Variants in CD2AP observed in about 807,000 individuals in gnomAD.
CD2AP encodes CD2 associated protein, also known as CD2-associated protein.
CD2AP carries 46 observed loss-of-function variants against 85.1 expected under a neutral mutation model. That is an observed-to-expected ratio of 0.54 (90% CI 0.43 to 0.69). CD2AP has a LOEUF of 0.69. CD2AP is among the 30% of genes least tolerant of loss of function. CD2AP has a pLI of 0.00. For synonymous variants in CD2AP, 255 were observed against 252.9 expected, an observed-to-expected ratio of 1.01 and a Z score of -0.08; for missense variants, 769 against 729.5, an observed-to-expected ratio of 1.05 and a Z score of -0.62.
In CD2AP at chr6:47,609,141, A is replaced by G. The variant is rs200024855; in HGVS notation, c.1651A>G (p.Thr551Ala). 33 of 1,613,120 alleles carry G rather than the reference A, an allele frequency of 2.0e-5. No homozygotes were observed. Among genetic ancestry groups the G allele is most frequent in the Middle Eastern group, 1.7e-4 (1 of 5,848 alleles). The change falls in exon 16 of 18, where the codon ACA becomes GCA. Residue 551 changes from threonine to alanine, a missense_variant. Thr to Ala is a moderately conservative substitution (Grantham distance 58). Transcript: ENST00000359314. ...YSPKPSVYLS[T>A]PSSASKANTT... ...TTTTCAGCCATCTGTGTACCTTTCA[A>G]CACCTTCCAGTGCTTCTAAAGCAAA...
chr6:47,537,859 GCAGCCT>G (rs1210817879), intron 3 of CD2AP, among the ~76,000 whole-genome samples: 1 of 151,102 alleles, frequency 6.6e-6, no homozygotes, highest in Non-Finnish European at 1.5e-5. Flanking sequence ...TCAGCTCACT[GCAGCCT>G]CAGCCTCCCC....
rs1436217691 is a variant in CD2AP at position 47,562,557 on chromosome 6, T to C, written c.541+7791T>C. 9.4e-6 allele frequency: 3 copies of C among 319,700 alleles called. No homozygotes were observed. The East Asian group carries it at 1.5e-4, about 16-fold the overall frequency. 19.8% of individuals were successfully genotyped at this position (319,700 alleles called of 1,614,324 possible). A position where few individuals can be genotyped will look rare whatever the true frequency, so the allele number is the denominator to read the frequency against. On this transcript the variant is annotated intron_variant, in intron 5 of 17. Transcript: ENST00000359314. ...TGGCTCTTTGCCTTCCACCAACAAGTCTTGCATAAGCAAAAGCTTGGATGT... is the reference window on the plus strand; with the variant it reads ...TGGCTCTTTGCCTTCCACCAACAAGCCTTGCATAAGCAAAAGCTTGGATGT...
At chr6:47,608,164 G>C in intron 15 of CD2AP, 136 bp downstream of exon 15, 1 of 692,768 alleles carries the variant, frequency 1.4e-6, no homozygotes, top group Non-Finnish European at 2.6e-6. Context: ...CTAAAAAATT[G>C]AGTTGTTTAG....
chr6:47,610,971 A>ATATATATATATATATTT lies in CD2AP; in HGVS notation c.1815-1501_1815-1500insATATATATATATATTTT. Among the ~76,000 whole-genome samples the ATATATATATATATATTT allele has an allele frequency of 1.1e-3, 126 of 112,854 alleles. 3 individuals are homozygous for ATATATATATATATATTT. Among genetic ancestry groups the ATATATATATATATATTT allele is most frequent in the African/African-American group, 1.8e-3 (51 of 27,836 alleles). 74.0% of individuals were successfully genotyped at this position (112,854 alleles called of 152,430 possible). On this transcript the variant is annotated intron_variant, in intron 16 of 17. Transcript: ENST00000359314. The stretch of plus-strand genomic sequence containing the variant: ...GATTTATATATATATATATATATGT[A>ATATATATATATATATTT]TTTTTTTTTTTTTTTGAATATAAAA...
At chr6:47,586,029 C>T (rs190891509) in intron 11 of CD2AP, among the ~76,000 whole-genome samples, 2 of 152,070 alleles carry the variant, frequency 1.3e-5, no homozygotes, top group East Asian at 1.9e-4. Flanking sequence ...TTAAAGATTG[C>T]CAGGCATAGA....
At chr6:47,526,602 T>G (rs999902549) in intron 2 of CD2AP, among the ~76,000 whole-genome samples, 2 of 152,196 alleles carry the variant, frequency 1.3e-5, no homozygotes, top group African/African-American at 4.8e-5. Context: ...AATGAATTCA[T>G]ATATCATGTT....
Position 47,581,885 on chromosome 6 carries a change from A to G in CD2AP, c.1046-118A>G, listed in dbSNP as rs3818867. ...GTAATTCCGGTACATTGTTCTTTCT[A>G]TTAAACCATGGTTTCATCTGATGTT... On this transcript the variant is annotated intron_variant, in intron 10 of 17. Transcript: ENST00000359314. 194 of 718,092 alleles carry G rather than the reference A, an allele frequency of 2.7e-4. No homozygotes were observed. In the East Asian group the frequency reaches 4.0e-3, roughly 15 times the overall value. 44.5% of individuals were successfully genotyped at this position (718,092 alleles called of 1,614,324 possible).
chr6:47,602,980 T>G (rs1342024321), intron 13 of CD2AP, among the ~76,000 whole-genome samples: 1 of 152,120 alleles, frequency 6.6e-6, no homozygotes, highest in Admixed American at 6.6e-5. Context: ...GAAACACATT[T>G]GTTTTTCTTC....
rs769170284 is a variant in CD2AP, at chr6:47,503,261, T to C, written c.5-19T>C. 6.2e-7 allele frequency: 1 copy of C among 1,611,016 alleles called. No individual in the cohort carries two copies. Among genetic ancestry groups the C allele is most frequent in the Admixed American group, 1.7e-5 (1 of 60,008 alleles). On this transcript the variant is annotated intron_variant, in intron 1 of 17. Coordinates refer to ENST00000359314, the MANE Select transcript of CD2AP (RefSeq NM_012120.3). Reference sequence around the variant, plus strand: ...TGTGAATTAGATTTTAGACATTTCGTTTTTTCCCCCTTTTTTAGTTGACTA... The same window carrying C: ...TGTGAATTAGATTTTAGACATTTCGCTTTTTCCCCCTTTTTTAGTTGACTA...
intron 11 of CD2AP, among the ~76,000 whole-genome samples, chr6:47,593,634 T>A (rs1462866953): frequency 6.6e-6 from 1 of 152,004 alleles, no homozygotes; most frequent in Non-Finnish European, 1.5e-5. Context: ...GGTTAAAAAT[T>A]TTTTTAAGAA....
At chr6:47,502,771 T>C (rs1766029266) in intron 1 of CD2AP, among the ~76,000 whole-genome samples, 1 of 151,894 alleles carries the variant, frequency 6.6e-6, no homozygotes, top group Non-Finnish European at 1.5e-5. Flanking sequence ...AGATTACAGA[T>C]GTGAGCTATT....
intron 17 of CD2AP, among the ~76,000 whole-genome samples, chr6:47,614,633 A>G (rs1199060846): frequency 6.6e-6 from 1 of 152,240 alleles, no homozygotes; most frequent in Non-Finnish European, 1.5e-5. Flanking sequence ...TCAAAATGTG[A>G]CACAGTGATA....
chr6:47,579,765 A>T lies in CD2AP; in HGVS notation c.1008+276A>T, dbSNP rs1324982335. ...AAGGGCTGTCTATCCTAATAACATA[A>T]ATTAGTACTTTCCTGGAAGAAATTG... On this transcript the variant is annotated intron_variant, in intron 9 of 17. Transcript: ENST00000359314. 4 of 314,216 alleles carry T rather than the reference A, an allele frequency of 1.3e-5. No individual in the cohort carries two copies. The Admixed American group carries it at 1.9e-4, about 15-fold the overall frequency. 19.5% of individuals were successfully genotyped at this position (314,216 alleles called of 1,614,324 possible).
At chr6:47,513,642 A>G (rs1405874213) in intron 2 of CD2AP, among the ~76,000 whole-genome samples, 6 of 151,902 alleles carry the variant, frequency 3.9e-5, no homozygotes, top group Non-Finnish European at 8.8e-5. Flanking sequence ...ATAGTATTCC[A>G]TTGTCCGGCT....
rs199562171 is a variant in CD2AP at position 47,478,215 on chromosome 6, C to T, written c.-30C>T. The T allele has an allele frequency of 1.3e-4, 206 of 1,565,702 alleles. No individual in the cohort carries two copies. The East Asian group carries it at 4.4e-3, about 33-fold the overall frequency. ...CTGGAGGAGGAGGAGGAGGAGCGGA[C>T]GTCGGCTTCTCCCCGCGGGAGCCCC... On this transcript the variant is annotated 5_prime_UTR_variant, in exon 1 of 18. In the 5' UTR this introduces an upstream ATG that the reference lacks. Coordinates refer to ENST00000359314, the MANE Select transcript of CD2AP (RefSeq NM_012120.3).
intron 13 of CD2AP, among the ~76,000 whole-genome samples, chr6:47,600,876 T>G (rs1769109836): frequency 6.6e-6 from 1 of 151,874 alleles, no homozygotes; most frequent in Non-Finnish European, 1.5e-5. Context: ...ACAAAAAAGT[T>G]ATTGCAACTA....
chr6:47,505,443 C>T (rs77900302), intron 2 of CD2AP, among the ~76,000 whole-genome samples: 11 of 150,932 alleles, frequency 7.3e-5, no homozygotes, highest in African/African-American at 1.2e-4. Flanking sequence ...TACACAGACA[C>T]GGCAACCATC....
rs562350159 is a variant in CD2AP at position 47,616,082 on chromosome 6, C to CTTTTTTTTTTTTT, written c.1878+3561_1878+3573dup. On this transcript the variant is annotated intron_variant, in intron 17 of 17. Coordinates refer to ENST00000359314, the MANE Select transcript of CD2AP (RefSeq NM_012120.3). ...GCAGGCATGAGCCACTGCGCCTGGCCTTTTTTTTTTTTTTTTTTTTTTTTT... is the reference window on the plus strand; with the variant it reads ...GCAGGCATGAGCCACTGCGCCTGGCCTTTTTTTTTTTTTTTTTTTTTTTTTTTTTTTTTTTTTT... Among the ~76,000 whole-genome samples, 111 of 63,798 alleles carry CTTTTTTTTTTTTT rather than the reference C, an allele frequency of 1.7e-3. 23 individuals carry two copies. The highest frequency in any genetic ancestry group is 3.6e-3 in the African/African-American group (50 of 13,786). 41.9% of individuals were successfully genotyped at this position (63,798 alleles called of 152,430 possible).
Position 47,627,099 on chromosome 6 carries a change from T to C in CD2AP, c.*2872T>C, listed in dbSNP as rs1769928578. The stretch of plus-strand genomic sequence containing the variant: ...ACAGGTGCTGTATTTAAAAGCATGC[T>C]TCTCTCTCAAAAAGAAAAATTAAAG... On this transcript the variant is annotated 3_prime_UTR_variant, in exon 18 of 18. Coordinates refer to ENST00000359314, the MANE Select transcript of CD2AP (RefSeq NM_012120.3). 6.6e-6 allele frequency: 1 copy of C among 152,442 alleles called. No individual in the cohort carries two copies. The highest frequency in any genetic ancestry group is 2.1e-4 in the South Asian group (1 of 4,830). 9.4% of individuals were successfully genotyped at this position (152,442 alleles called of 1,614,324 possible). A position where few individuals can be genotyped will look rare whatever the true frequency, so the allele number is the denominator to read the frequency against.
Sources: gnomAD v4.1 joint callset for allele counts (sites outside exome capture counted in the v4.1 genomes callset) on GRCh38, gnomAD v4.1.1 for gene constraint, MANE v1.5 for transcripts, NCBI Gene and HGNC (gene_info 2026-07-23, HGNC 2026-07-21) for gene names.